The following ZNF728 variants were observed in gnomAD, a reference collection of about 807,000 sequenced individuals.
The protein encoded by ZNF728 is zinc finger protein 728.
ZNF728 carries 12 observed loss-of-function variants against 12.5 expected under a neutral mutation model. The ratio of observed to expected loss-of-function variants is 0.96; its 90% CI spans 0.61 to 1.55. The LOEUF (loss-of-function observed/expected upper bound fraction) is 1.55, where lower values mean the gene tolerates loss of function less well. Among genes scored for constraint, ZNF728 ranks in the 40% most tolerant of loss-of-function variants. ZNF728 has a pLI of 0.00. For synonymous variants in ZNF728, 205 were observed against 240.7 expected, an observed-to-expected ratio of 0.85 and a Z score of 1.37; for missense variants, 692 against 719.2, an observed-to-expected ratio of 0.96 and a Z score of 0.43.
chr19:22,982,523 T>C (rs1226516192), intron 3 of ZNF728, among the ~76,000 whole-genome samples: 1 of 152,034 alleles, frequency 6.6e-6, no homozygotes, highest in Non-Finnish European at 1.5e-5. Flanking sequence ...AAATTTAATA[T>C]GGAACCAAAA....
At chr19:22,993,879 C>G (rs1274284967) in intron 1 of ZNF728, among the ~76,000 whole-genome samples, 1 of 152,152 alleles carries the variant, frequency 6.6e-6, no homozygotes, top group Non-Finnish European at 1.5e-5. Context: ...AAAGGACTTG[C>G]ATTCCTCAGA....
At chr19:22,986,170 AACTTT>A (rs1456589447) in intron 3 of ZNF728, among the ~76,000 whole-genome samples, 11 of 152,198 alleles carry the variant, frequency 7.2e-5, no homozygotes, top group African/African-American at 2.7e-4. Flanking sequence ...AGTTTATAAA[AACTTT>A]AAGAGGTGTT....
intron 1 of ZNF728, chr19:22,994,921 T>G (rs564601076): frequency 2.4e-4 from 37 of 152,872 alleles, no homozygotes; most frequent in African/African-American, 8.7e-4. Context: ...AGCTGGAAAC[T>G]CACATCTTAG....
rs1477194104 is a variant in ZNF728 at position 22,976,415 on chromosome 19, CA to C, written c.921del (p.Gly308GlufsTer53). 6.2e-7 allele frequency: 1 copy of C among 1,613,032 alleles called. No individual in the cohort carries two copies. Among genetic ancestry groups the C allele is most frequent in the East Asian group, 2.2e-5 (1 of 44,804 alleles). On this transcript the variant is annotated frameshift_variant, in exon 4 of 4. Coordinates refer to ENST00000594710, the MANE Select transcript of ZNF728 (RefSeq NM_001267716.2). LOFTEE classifies it low-confidence loss of function (END_TRUNC). ...TCTTCACATTTGTAGGGTTTCTCTC[CA>C]GCATGAATTGTCTTATGTGCAGTAA... is the stretch of plus-strand genomic sequence containing the variant. ...STLTAHKTIH[A>X]GEKPYKCEEC... is the part of the protein sequence containing the mutation.
At chr19:22,999,325 G>A (rs537246500) in intron 1 of ZNF728, among the ~76,000 whole-genome samples, 48 of 151,826 alleles carry the variant, frequency 3.2e-4, no homozygotes, top group Admixed American at 8.5e-4. Context: ...CCTCAAAAAA[G>A]TAACAATTTT....
Position 22,976,684 on chromosome 19 carries a change from T to C in ZNF728, c.653A>G (p.Tyr218Cys), listed in dbSNP as rs289318. 347,525 of 1,613,024 alleles carry C rather than the reference T, an allele frequency of 0.22. 40,066 individuals are homozygous for C. Among genetic ancestry groups the C allele is most frequent in the African/African-American group, 0.44 (32,777 of 74,954 alleles). The change falls in exon 4 of 4, where the codon TAT becomes TGT. Residue 218 changes from tyrosine (Y) to cysteine (C), a missense_variant. This residue lies in a region of ZNF728 where 440 missense variants were observed against 459.6 expected (regional missense o/e 0.96). Transcript: ENST00000594710. ...TTTCTCTCCAGTATGAATTCTCTTA[T>C]AAGTAAGGGCTGAGGACCAGTTAAA... ...KAFNWSSALTYKRIHTGEKPC... is the reference protein window; with the variant it reads ...KAFNWSSALTCKRIHTGEKPC...
chr19:22,976,527 G>C lies in ZNF728; in HGVS notation c.810C>G (p.Ser270Arg). The change falls in exon 4 of 4, where the codon AGC (serine) becomes AGG (arginine). Residue 270 changes from serine (S) to arginine (R), a missense_variant. This residue lies in a region of ZNF728 where 440 missense variants were observed against 459.6 expected (regional missense o/e 0.96). Transcript: ENST00000594710. Reference sequence around the variant, plus strand: ...CATGACTTCTCTTATGTTCAATAAGGCTTGAGGACCGGGTGAAGGCTTTGC... The same window carrying C: ...CATGACTTCTCTTATGTTCAATAAGCCTTGAGGACCGGGTGAAGGCTTTGC... The part of the protein sequence containing the change: ...ECGKAFTRSS[S>R]LIEHKRSHAG... 1 of 1,612,186 alleles carries C rather than the reference G, an allele frequency of 6.2e-7. No homozygotes were observed. The highest frequency in any genetic ancestry group is 1.1e-5 in the South Asian group (1 of 91,036).
intron 3 of ZNF728, among the ~76,000 whole-genome samples, chr19:22,979,050 A>G (rs1968834687): frequency 6.6e-6 from 1 of 152,212 alleles, no homozygotes; most frequent in Non-Finnish European, 1.5e-5. Context: ...GTGGGTGGGT[A>G]ATAACAAACT....
intron 1 of ZNF728, among the ~76,000 whole-genome samples, chr19:22,992,846 G>A (rs562872683): frequency 6.6e-6 from 1 of 152,278 alleles, no homozygotes; most frequent in African/African-American, 2.4e-5. Context: ...GTGATTGTGA[G>A]AGGGTTCCCC....
rs1599525968 is a variant in ZNF728 at position 22,977,031 on chromosome 19, T to C, written c.306A>G (p.Arg102=). ...AATTCTCATGTCCACATTTTTCATA[T>C]CTTCTCAATATCACTTTTTGGAAAG... The part of the protein sequence containing the change: ...EDSFQKVILR[R]YEKCGHENLQ... The change falls in exon 4 of 4, where the codon AGA becomes AGG. Residue 102 remains arginine, a synonymous_variant. Transcript: ENST00000594710. 2 of 1,613,226 alleles carry C rather than the reference T, an allele frequency of 1.2e-6. No individual in the cohort carries two copies. Among genetic ancestry groups the C allele is most frequent in the East Asian group, 4.5e-5 (2 of 44,794 alleles).
At chr19:22,989,476 G>A (rs1458326663) in intron 1 of ZNF728, among the ~76,000 whole-genome samples, 1 of 152,112 alleles carries the variant, frequency 6.6e-6, no homozygotes, top group African/African-American at 2.4e-5. Flanking sequence ...CACATCAGCT[G>A]CATAAAGATA....
rs1056089187 is a variant in ZNF728, at chr19:23,002,951, G to A, written c.3+77C>T. On this transcript the variant is annotated intron_variant, in intron 1 of 3. Transcript: ENST00000594710. The stretch of plus-strand genomic sequence containing the variant: ...TGGAGCTGACTGAGAGGAGGCCTGA[G>A]TCCCGCCACAGCCACTTCCCACCGG... The A allele has an allele frequency of 4.5e-6, 7 of 1,571,180 alleles. No individual in the cohort carries two copies. The African/African-American group carries it at 8.2e-5, about 18-fold the overall frequency.
chr19:22,998,822 AAC>A, intron 1 of ZNF728, among the ~76,000 whole-genome samples: 1 of 152,360 alleles, frequency 6.6e-6, no homozygotes, highest in East Asian at 1.9e-4. Flanking sequence ...TATGAAAAGA[AAC>A]ACCCTTCCCA....
At chr19:22,989,630 A>G (rs889722646) in intron 1 of ZNF728, among the ~76,000 whole-genome samples, 5 of 151,658 alleles carry the variant, frequency 3.3e-5, no homozygotes, top group African/African-American at 1.2e-4. Context: ...ATTACTACTG[A>G]GATATTACCC....
At position 22,983,959 on chromosome 19, in the gene ZNF728, CA is replaced by C. The variant is rs548887046; in HGVS notation, c.226+3348del. 3.2e-3 allele frequency among the ~76,000 whole-genome samples: 491 copies of C among 152,130 alleles called. 3 individuals are homozygous for C. Among genetic ancestry groups the C allele is most frequent in the African/African-American group, 0.011 (475 of 41,524 alleles). ...CCATGGCACGTGCATACCTACGTAA[CA>C]AACCTGCACGTTCTGCACATGTGCC... is the stretch of plus-strand genomic sequence containing the variant. On this transcript the variant is annotated intron_variant, in intron 3 of 3. Transcript: ENST00000594710.
At chr19:22,983,375 T>C (rs546054501) in intron 3 of ZNF728, among the ~76,000 whole-genome samples, 12 of 152,094 alleles carry the variant, frequency 7.9e-5, no homozygotes, top group Non-Finnish European at 1.5e-4. Flanking sequence ...GGAGAAGATG[T>C]GGAGAAGTAG....
intron 3 of ZNF728, among the ~76,000 whole-genome samples, chr19:22,986,614 T>C (rs546873516): frequency 1.3e-5 from 2 of 152,120 alleles, no homozygotes; most frequent in South Asian, 4.1e-4. Context: ...TAAATTGAAA[T>C]ATATTTTGTC....
In ZNF728 at chr19:22,987,401, T is replaced by C. The variant is rs1968929166; in HGVS notation, c.133A>G (p.Ile45Val). Residue 45 changes from isoleucine (I) to valine (V), a missense_variant and splice_region_variant, in exon 3 of 4, where the codon ATT (isoleucine) becomes GTT (valine). This residue lies in a region of ZNF728 where 440 missense variants were observed against 459.6 expected (regional missense o/e 0.96). Transcript: ENST00000594710. ...ATCAGGTCTGGCTTAGGGGCAGCAA[T>C]ACCTGTTTTATTAAAAATGAGTAAC... The part of the protein sequence containing the change: ...ENYRNLVFLG[I>V]AAPKPDLIIF... 1.3e-6 allele frequency: 2 copies of C among 1,595,984 alleles called. No individual in the cohort carries two copies. Among genetic ancestry groups the C allele is most frequent in the Non-Finnish European group, 8.5e-7 (1 of 1,173,334 alleles).
At chr19:22,982,412 A>C (rs1278844113) in intron 3 of ZNF728, among the ~76,000 whole-genome samples, 1 of 152,236 alleles carries the variant, frequency 6.6e-6, no homozygotes, top group East Asian at 1.9e-4. Flanking sequence ...GATAGGAAGA[A>C]TCAATATTGT....
Sources: allele counts gnomAD v4.1 joint callset (sites outside exome capture counted in the v4.1 genomes callset), GRCh38; gene constraint gnomAD v4.1.1; regional missense constraint gnomAD v4.1.1; transcripts MANE v1.5; gene names NCBI Gene and HGNC (gene_info 2026-07-23, HGNC 2026-07-21).